Variants in ASH2L observed in about 807,000 individuals in gnomAD.
ASH2L encodes ASH2 like, histone lysine methyltransferase complex subunit.
A neutral mutation model predicts 81.1 loss-of-function variants in ASH2L; 30 were observed. The observed-to-expected ratio is 0.37, with a 90% CI of 0.28 to 0.50. The LOEUF is 0.50. ASH2L is among the 20% of genes least tolerant of loss of function. The pLI is 0.95. For missense variants in ASH2L, 559 were observed against 792.1 expected, an observed-to-expected ratio of 0.71 and a Z score of 3.53; for synonymous variants, 273 against 279.9, an observed-to-expected ratio of 0.98 and a Z score of 0.24.
intron 4 of ASH2L, 84 bp from the exon 5 acceptor site, chr8:38,110,655 T>A (rs1055489660): frequency 5.5e-6 from 7 of 1,269,174 alleles, no homozygotes; most frequent in Non-Finnish European, 7.9e-6. Flanking sequence ...TAATTGTTAT[T>A]TTCTGGACCA....
intron 13 of ASH2L, 112 bp downstream of exon 13, chr8:38,133,658 G>A: frequency 2.4e-6 from 2 of 826,310 alleles, no homozygotes; most frequent in Non-Finnish European, 3.7e-6. Context: ...AGGGGCATCT[G>A]GTAGCCCCAC....
At chr8:38,117,425 T>A in intron 8 of ASH2L, 1 of 984,984 alleles carries the variant, frequency 1.0e-6, no homozygotes, top group Non-Finnish European at 1.2e-6. Flanking sequence ...ATTTGACAAA[T>A]ACATGGTGCC....
chr8:38,105,901 C>T (rs2130458434), intron 1 of ASH2L, 163 bp downstream of exon 1: 1 of 1,460,142 alleles, frequency 6.8e-7, no homozygotes, highest in South Asian at 1.4e-5. Flanking sequence ...TCAAGCATAT[C>T]TCGGATAACG....
chr8:38,131,797 A>G (rs1284023621), intron 12 of ASH2L, among the ~76,000 whole-genome samples: 1 of 151,928 alleles, frequency 6.6e-6, no homozygotes, highest in Admixed American at 6.6e-5. Flanking sequence ...AAAACTTATA[A>G]TATGTTACCA....
At chr8:38,120,631 C>G (rs1290410173) in intron 9 of ASH2L, among the ~76,000 whole-genome samples, 1 of 54,700 alleles carries the variant, frequency 1.8e-5, no homozygotes, top group African/African-American at 6.3e-5. Flanking sequence ...CCCCCCCCCC[C>G]CCCCCGCATA....
rs755769876 is a variant in ASH2L, at chr8:38,133,425, G to A, written c.1528-29G>A. 2.0e-6 allele frequency: 3 copies of A among 1,523,950 alleles called. No homozygotes were observed. The South Asian group carries it at 3.4e-5, about 17-fold the overall frequency. 94.4% of individuals were successfully genotyped at this position (1,523,950 alleles called of 1,614,324 possible). The stretch of plus-strand genomic sequence containing the variant: ...ATGATGATGGAGCTGATGCTTTATT[G>A]TGCCTTTTTTTCTTTCTTGGTTTTC... On this transcript the variant is annotated intron_variant, in intron 12 of 15. Transcript: ENST00000343823.
chr8:38,128,658 T>G, intron 11 of ASH2L, 100 bp from the exon 12 acceptor site: 1 of 1,534,858 alleles, frequency 6.5e-7, no homozygotes, highest in Non-Finnish European at 8.7e-7. Flanking sequence ...TTTTACAAAA[T>G]TGACCAAAAA....
intron 13 of ASH2L, among the ~76,000 whole-genome samples, chr8:38,134,174 A>G (rs1802166926): frequency 6.6e-6 from 1 of 152,198 alleles, no homozygotes; most frequent in Admixed American, 6.5e-5. Context: ...ACCCAGGGAC[A>G]CAAACACTGC....
chr8:38,138,644 G>A (rs1324306557), intron 14 of ASH2L, 172 bp from the exon 15 acceptor site: 18 of 560,784 alleles, frequency 3.2e-5, no homozygotes, highest in Non-Finnish European at 5.0e-5. Context: ...AATTCTTGAT[G>A]GACATCAGGA....
chr8:38,130,907 A>T (rs1802037610), intron 12 of ASH2L, among the ~76,000 whole-genome samples: 2 of 152,024 alleles, frequency 1.3e-5, no homozygotes, highest in East Asian at 1.9e-4. Context: ...ATGGAAATTC[A>T]TTTTTTTTCC....
At chr8:38,136,674 C>G (rs1402913498) in intron 14 of ASH2L, among the ~76,000 whole-genome samples, 1 of 151,136 alleles carries the variant, frequency 6.6e-6, no homozygotes, top group African/African-American at 2.4e-5. Context: ...ACTCAGGAGG[C>G]TGAGGCAGGA....
chr8:38,113,755 A>G (rs984702300), intron 5 of ASH2L, among the ~76,000 whole-genome samples: 1 of 152,248 alleles, frequency 6.6e-6, no homozygotes, highest in African/African-American at 2.4e-5. Context: ...ATAGAAATCC[A>G]TAAAGCAGAT....
At chr8:38,124,075 A>G (rs1233561955) in intron 10 of ASH2L, 1 of 152,112 alleles carries the variant, frequency 6.6e-6, no homozygotes, top group Non-Finnish European at 1.5e-5. Flanking sequence ...TCCTGAGCTC[A>G]GGTGATCTGC....
rs199818028 is a variant in ASH2L at position 38,110,809 on chromosome 8, G to A, written c.561G>A (p.Pro187=). 1.7e-5 allele frequency: 27 copies of A among 1,613,582 alleles called. No individual in the cohort carries two copies. Among genetic ancestry groups the A allele is most frequent in the East Asian group, 1.3e-4 (6 of 44,896 alleles). Residue 187 remains proline, a synonymous_variant, in exon 5 of 16, where the codon CCG becomes CCA. Transcript: ENST00000343823. ...TWQSRTQDEH[P]KTMFSKDKDI... ...AGTCCCGAACACAGGATGAACATCCGAAGACAATGTTCTCCAAAGATAAGG... is the reference window on the plus strand; with the variant it reads ...AGTCCCGAACACAGGATGAACATCCAAAGACAATGTTCTCCAAAGATAAGG...
At chr8:38,107,866 ATATGTG>A (rs1360586957) in intron 3 of ASH2L, among the ~76,000 whole-genome samples, 289 of 106,038 alleles carry the variant, frequency 2.7e-3, no homozygotes, top group African/African-American at 0.01. Flanking sequence ...AGAAATACAT[ATATGTG>A]TGTGTGTGTG....
chr8:38,105,932 G>C, intron 1 of ASH2L, 194 bp downstream of exon 1: 2 of 1,493,010 alleles, frequency 1.3e-6, no homozygotes, highest in Non-Finnish European at 1.8e-6. Flanking sequence ...ACCTTTCACG[G>C]GCGGTGGGAG....
chr8:38,121,333 T>TTATTTATATATA (rs1230317862), intron 10 of ASH2L, among the ~76,000 whole-genome samples, 184 bp downstream of exon 10: 12 of 59,648 alleles, frequency 2.0e-4, no homozygotes, highest in South Asian at 7.3e-4. Flanking sequence ...GCCGTTTTAT[T>TTATTTATATATA]TATATATATA....
chr8:38,135,412 G>T (rs1007776537), intron 13 of ASH2L, among the ~76,000 whole-genome samples: 5 of 151,910 alleles, frequency 3.3e-5, no homozygotes, highest in African/African-American at 1.2e-4. Flanking sequence ...TCACACCACT[G>T]CACTCCAGCC....
In ASH2L at chr8:38,109,510, A is replaced by T. The variant is rs527906357; in HGVS notation, c.402-869A>T. Among the ~76,000 whole-genome samples, 3 of 152,356 alleles carry T rather than the reference A, an allele frequency of 2.0e-5. No individual in the cohort carries two copies. The South Asian group carries it at 6.2e-4, about 32-fold the overall frequency. On this transcript the variant is annotated intron_variant, in intron 3 of 15. Transcript: ENST00000343823. ...CTTCTGTTACTTTGCCCTTTGCAAG[A>T]CTAAACTCCTGTGCTTTTCCTGTCA...
Sources: gnomAD v4.1 joint callset for allele counts (sites outside exome capture counted in the v4.1 genomes callset) on GRCh38, gnomAD v4.1.1 for gene constraint, MANE v1.5 for transcripts, NCBI Gene and HGNC (gene_info 2026-07-23, HGNC 2026-07-21) for gene names.